Variants in LOXL1 observed in about 807,000 individuals in gnomAD.
The protein encoded by LOXL1 is lysyl oxidase like 1, also known as lysyl oxidase homolog 1.
A neutral mutation model predicts 62.2 loss-of-function variants in LOXL1; 31 were observed. The observed-to-expected ratio is 0.50, with a 90% CI of 0.37 to 0.67. The LOEUF (loss-of-function observed/expected upper bound fraction) is 0.67. LOXL1 is among the 30% of genes least tolerant of loss of function. The pLI is 0.00. For synonymous variants in LOXL1, 403 were observed against 384.4 expected, an observed-to-expected ratio of 1.05 and a Z score of -0.56; for missense variants, 775 against 843.4, an observed-to-expected ratio of 0.92 and a Z score of 1.00.
chr15:73,951,069 A>G (rs565627777), intron 6 of LOXL1, among the ~76,000 whole-genome samples: 1 of 152,314 alleles, frequency 6.6e-6, no homozygotes, highest in Admixed American at 6.5e-5. Context: ...TAAGTGGTAG[A>G]AGCCATTCTA....
chr15:73,934,487 C>T (rs539084238), intron 1 of LOXL1, among the ~76,000 whole-genome samples: 21 of 152,194 alleles, frequency 1.4e-4, no homozygotes, highest in Non-Finnish European at 2.8e-4. Context: ...ACCTGGGAGA[C>T]GTGCACCAGA....
intron 1 of LOXL1, among the ~76,000 whole-genome samples, chr15:73,936,212 C>T (rs894239897): frequency 2.0e-5 from 3 of 152,078 alleles, no homozygotes; most frequent in Non-Finnish European, 2.9e-5. Flanking sequence ...TGATGGCTGT[C>T]CTAGCTCTCA....
chr15:73,940,346 AT>A (rs2068705415), intron 1 of LOXL1, among the ~76,000 whole-genome samples: 1 of 151,898 alleles, frequency 6.6e-6, no homozygotes, highest in African/African-American at 2.4e-5. Context: ...CTCTCTTCCA[AT>A]TCTCCACATG....
Position 73,927,903 on chromosome 15 carries a change from G to T in LOXL1, c.1102+18G>T, listed in dbSNP as rs1004099083. 1.5e-6 allele frequency: 2 copies of T among 1,298,728 alleles called. No individual in the cohort carries two copies. Among genetic ancestry groups the T allele is most frequent in the African/African-American group, 3.1e-5 (2 of 64,728 alleles). The allele number at this position is 1,298,728 out of a possible 1,614,324, so 80.5% of individuals were successfully genotyped here. On this transcript the variant is annotated intron_variant, in intron 1 of 6. Transcript: ENST00000261921. ...CGGCCGCGGTGAGTACGGCCCCGGC[G>T]CCCCTCCGGCCGCGCGTACCCCTGG... is the stretch of plus-strand genomic sequence containing the variant.
intron 1 of LOXL1, among the ~76,000 whole-genome samples, chr15:73,931,884 T>A (rs1380647210): frequency 6.6e-6 from 1 of 152,200 alleles, no homozygotes; most frequent in Non-Finnish European, 1.5e-5. Flanking sequence ...GCAGGGATAA[T>A]AATACCAACT....
intron 4 of LOXL1, 129 bp downstream of exon 4, chr15:73,947,352 T>C (rs1481659020): frequency 9.9e-7 from 1 of 1,009,180 alleles, no homozygotes; most frequent in African/African-American, 1.6e-5. Context: ...GTGAAGGTCT[T>C]CTCACCAGTC....
At chr15:73,951,626 G>C (rs775590529) in intron 6 of LOXL1, among the ~76,000 whole-genome samples, 1 of 152,196 alleles carries the variant, frequency 6.6e-6, no homozygotes, top group African/African-American at 2.4e-5. Flanking sequence ...AATGTGCTGA[G>C]ACTGTGCCCT....
At chr15:73,941,193 AG>A (rs1294480335) in intron 1 of LOXL1, among the ~76,000 whole-genome samples, 1 of 152,088 alleles carries the variant, frequency 6.6e-6, no homozygotes, top group Non-Finnish European at 1.5e-5. Flanking sequence ...AAACATTCCT[AG>A]GGGCTCAAGT....
intron 1 of LOXL1, among the ~76,000 whole-genome samples, chr15:73,936,233 G>C (rs370565693): frequency 1.3e-5 from 2 of 152,146 alleles, no homozygotes; most frequent in Non-Finnish European, 2.9e-5. Flanking sequence ...GGCTTGAGCT[G>C]GGTTACATCT....
intron 5 of LOXL1, among the ~76,000 whole-genome samples, chr15:73,948,775 A>G (rs998276852): frequency 6.6e-6 from 1 of 152,220 alleles, no homozygotes; most frequent in Non-Finnish European, 1.5e-5. Flanking sequence ...ATCAACATGT[A>G]GGAAGTCCCC....
At position 73,951,943 on chromosome 15, in the gene LOXL1, GGC is replaced by G; in HGVS notation, c.*107_*108del. 13 of 1,025,820 alleles carry G rather than the reference GGC, an allele frequency of 1.3e-5. No homozygotes were observed. Among genetic ancestry groups the G allele is most frequent in the South Asian group, 2.8e-5 (1 of 35,554 alleles). 63.5% of individuals were successfully genotyped at this position (1,025,820 alleles called of 1,614,324 possible). A position where few individuals can be genotyped will look rare whatever the true frequency, so the allele number is the denominator to read the frequency against. The stretch of plus-strand genomic sequence containing the variant: ...AGCCCCCAACCCACAGGCACGGAGG[GGC>G]ATCCCTCCCTGCCGGCCTCAGGGAG... On this transcript the variant is annotated 3_prime_UTR_variant, in exon 7 of 7. Transcript: ENST00000261921.
Position 73,927,228 on chromosome 15 carries a change from C to G in LOXL1, c.445C>G (p.Gln149Glu). ...CCGGGCCCGCACCTCCGTCTCCCAG[C>G]AACGGCACGGGGGCTCCGCCTCCTC... The part of the protein sequence containing the change: ...MARARTSVSQ[Q>E]RHGGSASSVS... Residue 149 changes from glutamine (Q) to glutamate (E), a missense_variant, in exon 1 of 7, where the codon CAA (glutamine) becomes GAA (glutamate). Physicochemically the swap from Gln to Glu is conservative, Grantham distance 29. Transcript: ENST00000261921. 1 of 1,596,506 alleles carries G rather than the reference C, an allele frequency of 6.3e-7. No individual in the cohort carries two copies. The highest frequency in any genetic ancestry group is 8.5e-7 in the Non-Finnish European group (1 of 1,176,368).
At chr15:73,931,894 T>C (rs558142138) in intron 1 of LOXL1, among the ~76,000 whole-genome samples, 2 of 152,330 alleles carry the variant, frequency 1.3e-5, no homozygotes, top group South Asian at 4.1e-4. Flanking sequence ...TAATACCAAC[T>C]TGGCCATTTG....
At position 73,931,949 on chromosome 15, in the gene LOXL1, A is replaced by T. The variant is rs950852171; in HGVS notation, c.1102+4064A>T. On this transcript the variant is annotated intron_variant, in intron 1 of 6. Coordinates refer to ENST00000261921, the MANE Select transcript of LOXL1 (RefSeq NM_005576.4). ...CTTACTGACTTCAATGTGCAGTTTC[A>T]TTCATCCTCACAACCTCCTAATGAG... Among the ~76,000 whole-genome samples the T allele has an allele frequency of 5.9e-5, 9 of 152,224 alleles. No homozygotes were observed. In the South Asian group the frequency reaches 1.9e-3, roughly 32 times the overall value.
At chr15:73,931,788 C>T (rs147226803) in intron 1 of LOXL1, among the ~76,000 whole-genome samples, 6 of 152,310 alleles carry the variant, frequency 3.9e-5, no homozygotes, top group East Asian at 3.9e-4. Context: ...CCAGGTCACT[C>T]GCCTTCCCCT....
intron 1 of LOXL1, among the ~76,000 whole-genome samples, chr15:73,939,526 G>A (rs2068699070): frequency 1.3e-5 from 2 of 152,216 alleles, no homozygotes; most frequent in South Asian, 4.1e-4. Flanking sequence ...TGGTAAGAGT[G>A]ATTCCATTTA....
rs1020219752 is a variant in LOXL1, at chr15:73,945,351, G to A, written c.1212-1066G>A. Among the ~76,000 whole-genome samples, 156 of 152,350 alleles carry A rather than the reference G, an allele frequency of 1.0e-3. No homozygotes were observed. The highest frequency in any genetic ancestry group is 2.6e-4 in the Non-Finnish European group (18 of 68,038). On this transcript the variant is annotated intron_variant, in intron 2 of 6. Coordinates refer to ENST00000261921, the MANE Select transcript of LOXL1 (RefSeq NM_005576.4). This position sits in a 1 kb window ranked among gnomAD's most constrained non-coding sequence, Gnocchi z 4.3. ...GGCTGTGCTGCAGTCAGTGCTGTTA[G>A]AGCTCACAGGCAATCCGGATCCTCT...
At chr15:73,946,371 G>A (rs1386952160) in intron 2 of LOXL1, 46 bp from the exon 3 acceptor site, 3 of 1,463,668 alleles carry the variant, frequency 2.0e-6, no homozygotes, top group African/African-American at 1.4e-5. Context: ...GGGTTCTGGT[G>A]TCACTGTGCC....
At chr15:73,941,419 C>T (rs1201975679) in intron 1 of LOXL1, among the ~76,000 whole-genome samples, 1 of 152,202 alleles carries the variant, frequency 6.6e-6, no homozygotes, top group Non-Finnish European at 1.5e-5. Flanking sequence ...CTGGCAGACA[C>T]TTCTGCCGAT....
Sources: gnomAD v4.1 joint callset for allele counts (sites outside exome capture counted in the v4.1 genomes callset) on GRCh38, gnomAD v4.1.1 for gene constraint, Gnocchi (gnomAD v3.1) non-coding constraint, MANE v1.5 for transcripts, NCBI Gene and HGNC (gene_info 2026-07-23, HGNC 2026-07-21) for gene names.